CZIB: variants seen among roughly 807,000 people sequenced by gnomAD.
CZIB encodes CXXC motif containing zinc binding protein.
CZIB carries 26 observed loss-of-function variants against 28.3 expected under a neutral mutation model. That is an observed-to-expected ratio of 0.92 (90% CI 0.67 to 1.27). The LOEUF is 1.27. CZIB is among the 50% of genes most tolerant of loss of function. CZIB has a pLI of 0.00. For synonymous variants in CZIB, 78 were observed against 71.1 expected (o/e 1.10, Z -0.49); for missense variants, 179 against 197.3 (o/e 0.91, Z 0.56).
At chr1:53,220,435 C>G in intron 1 of CZIB, 91 bp from the exon 2 acceptor site, 1 of 1,573,166 alleles carries the variant, frequency 6.4e-7, no homozygotes, top group Non-Finnish European at 8.7e-7. Flanking sequence ...GTGGGTGCCA[C>G]AGGGAGACAC....
intron 3 of CZIB, 57 bp downstream of exon 3, chr1:53,218,810 A>AG: frequency 6.6e-7 from 1 of 1,515,600 alleles, no homozygotes; most frequent in South Asian, 1.1e-5. Context: ...ATCCCTGCCC[A>AG]GAAGTGTATG....
intron 1 of CZIB, 91 bp from the exon 2 acceptor site, chr1:53,220,435 C>T: frequency 6.4e-7 from 1 of 1,573,166 alleles, no homozygotes; most frequent in Non-Finnish European, 8.7e-7. Context: ...GTGGGTGCCA[C>T]AGGGAGACAC....
rs148279601 is a variant in CZIB, at chr1:53,218,894, C to A, written c.120G>T (p.Ser40=). ...TCAGCCGGATGTACTGCCACTTGTC[C>A]GAAATCTCACCACAGTTGCCACATT... ...KMKCGNCGEI[S]DKWQYIRLMD... is the part of the protein sequence containing the mutation. Residue 40 remains serine, a synonymous_variant, in exon 3 of 8, where the codon TCG becomes TCT. Coordinates refer to ENST00000294360, the MANE Select transcript of CZIB (RefSeq NM_017887.3). 5.6e-6 allele frequency: 9 copies of A among 1,613,702 alleles called. No homozygotes were observed. The African/African-American group carries it at 1.1e-4, about 19-fold the overall frequency.
At chr1:53,218,651 T>C in intron 3 of CZIB, 156 bp from the exon 4 acceptor site, 1 of 863,542 alleles carries the variant, frequency 1.2e-6, no homozygotes, top group Non-Finnish European at 1.8e-6. Context: ...CTGAGGAAAA[T>C]AAAAAAAGGG....
rs1010771301 is a variant in CZIB, at chr1:53,214,412, C to G, written c.*247G>C. On this transcript the variant is annotated 3_prime_UTR_variant, in exon 8 of 8. Coordinates refer to ENST00000294360, the MANE Select transcript of CZIB (RefSeq NM_017887.3). The stretch of plus-strand genomic sequence containing the variant: ...CATTTTCCTAAGGAGTGAACTGCTG[C>G]TGCACGAATTCTTATTTGTGGAGGG... The G allele has an allele frequency of 8.2e-6, 4 of 484,916 alleles. No homozygotes were observed. Among genetic ancestry groups the G allele is most frequent in the Admixed American group, 3.3e-5 (1 of 30,052 alleles). The allele number at this position is 484,916 out of a possible 1,614,324, so 30.0% of individuals were successfully genotyped here.
Position 53,216,030 on chromosome 1 carries a change from C to T in CZIB, c.366G>A (p.Glu122=), listed in dbSNP as rs1557721463. ...TAATGTCACTGAAGGCTGTCCCTGA[C>T]TCCACACCTTCAGCAGCAAACCCAG... ...PQAGFAAEGV[E]SGTAFSDINL... is the part of the protein sequence containing the mutation. Residue 122 remains glutamate (E), a synonymous_variant, in exon 7 of 8, where the codon GAG becomes GAA. Transcript: ENST00000294360. 6.2e-7 allele frequency: 1 copy of T among 1,614,156 alleles called. No individual in the cohort carries two copies. Among genetic ancestry groups the T allele is most frequent in the Admixed American group, 1.7e-5 (1 of 60,020 alleles).
At chr1:53,218,576 T>C in intron 3 of CZIB, 81 bp from the exon 4 acceptor site, 1 of 1,414,632 alleles carries the variant, frequency 7.1e-7, no homozygotes, top group Non-Finnish European at 9.9e-7. Context: ...CCATTTATTG[T>C]CCACTTAAAG....
chr1:53,217,022 T>G (rs1337374936), intron 5 of CZIB, 163 bp from the exon 6 acceptor site: 5 of 611,424 alleles, frequency 8.2e-6, no homozygotes, highest in Non-Finnish European at 1.5e-5. Context: ...CTTGGGCACC[T>G]GCTCCCTATG....
intron 5 of CZIB, 107 bp from the exon 6 acceptor site, chr1:53,216,966 G>T: frequency 2.1e-6 from 2 of 944,674 alleles, no homozygotes; most frequent in Non-Finnish European, 1.7e-6. Flanking sequence ...TGGAGGCCTA[G>T]TATGAGACCC....
chr1:53,214,993 G>A (rs1645461045), intron 7 of CZIB, among the ~76,000 whole-genome samples: 1 of 152,128 alleles, frequency 6.6e-6, no homozygotes, highest in Non-Finnish European at 1.5e-5. Context: ...ACAAAAAAAG[G>A]ACAATGGAGT....
At position 53,218,471 on chromosome 1, in the gene CZIB, G is replaced by A. The variant is rs562231137; in HGVS notation, c.172C>T (p.Arg58Cys). The part of the protein sequence containing the change: ...LMDSVALKGG[R>C]GSASMVQKCK... The stretch of plus-strand genomic sequence containing the variant: ...TTCTGGACCATGGAAGCACTGCCAC[G>A]GCCCCCCTTCAGTGCCACACTGTCC... Residue 58 changes from arginine (R) to cysteine (C), a missense_variant, in exon 4 of 8, where the codon CGT (arginine) becomes TGT (cysteine). Coordinates refer to ENST00000294360, the MANE Select transcript of CZIB (RefSeq NM_017887.3). 2.3e-5 allele frequency: 37 copies of A among 1,614,134 alleles called. 1 individual carries two copies. Among genetic ancestry groups the A allele is most frequent in the South Asian group, 1.9e-4 (17 of 91,084 alleles).
chr1:53,217,967 G>A (rs1645484139), intron 5 of CZIB: 23 of 607,308 alleles, frequency 3.8e-5, no homozygotes, highest in South Asian at 6.3e-5. Flanking sequence ...TCACAGCCCA[G>A]CCCTCATAAG....
intron 5 of CZIB, chr1:53,217,060 G>A (rs1645479258): frequency 1.9e-6 from 1 of 532,106 alleles, no homozygotes; most frequent in Admixed American, 3.3e-5. Flanking sequence ...CAGACATGGA[G>A]GCTGCAGAAG....
At chr1:53,218,651 TA>T (rs1247481811) in intron 3 of CZIB, 156 bp from the exon 4 acceptor site, 31 of 863,404 alleles carry the variant, frequency 3.6e-5, no homozygotes, top group Non-Finnish European at 5.0e-5. Context: ...CTGAGGAAAA[TA>T]AAAAAAGGGC....
chr1:53,217,944 G>T, intron 5 of CZIB: 2 of 550,662 alleles, frequency 3.6e-6, no homozygotes, highest in Non-Finnish European at 6.5e-6. Context: ...TGTGTCAGAG[G>T]TCCCCTGAGC....
intron 6 of CZIB, among the ~76,000 whole-genome samples, chr1:53,216,350 G>A (rs762314506): frequency 5.3e-5 from 8 of 152,196 alleles, no homozygotes; most frequent in Non-Finnish European, 1.0e-4. Context: ...TTCCCAGGTT[G>A]GACCTTAGTT....
At chr1:53,220,521 C>A in intron 1 of CZIB, 49 bp downstream of exon 1, 1 of 1,600,470 alleles carries the variant, frequency 6.2e-7, no homozygotes, top group Non-Finnish European at 8.5e-7. Flanking sequence ...GCCTCCCAGA[C>A]CCTCGCCACC....
At chr1:53,220,514 T>G in intron 1 of CZIB, 56 bp downstream of exon 1, 2 of 1,600,274 alleles carry the variant, frequency 1.2e-6, no homozygotes, top group Non-Finnish European at 1.7e-6. Context: ...AGCTGTTGCC[T>G]CCCAGACCCT....
chr1:53,216,004 T>G lies in CZIB; in HGVS notation c.392A>C (p.Asn131Thr). Residue 131 changes from asparagine to threonine, a missense_variant, in exon 7 of 8, where the codon AAT (asparagine) becomes ACT (threonine). Transcript: ENST00000294360. The part of the protein sequence containing the change: ...VESGTAFSDI[N>T]LQEKDWTDYD... ...CAAGTCTCATACCTTCTCCTGCAGA[T>G]TAATGTCACTGAAGGCTGTCCCTGA... The G allele has an allele frequency of 6.2e-7, 1 of 1,614,076 alleles. No individual in the cohort carries two copies. Among genetic ancestry groups the G allele is most frequent in the Non-Finnish European group, 8.5e-7 (1 of 1,179,942 alleles).
Sources: gnomAD v4.1 joint callset for allele counts (sites outside exome capture counted in the v4.1 genomes callset) on GRCh38, gnomAD v4.1.1 for gene constraint, MANE v1.5 for transcripts, NCBI Gene and HGNC (gene_info 2026-07-23, HGNC 2026-07-21) for gene names.